MAP3K5: variants seen among roughly 807,000 people sequenced by gnomAD.
MAP3K5 encodes ASK-1.
Under a neutral mutation model 158.7 loss-of-function variants are expected in MAP3K5, and 56 were observed. The ratio of observed to expected loss-of-function variants is 0.35; its 90% CI spans 0.28 to 0.44. The LOEUF is 0.44. Ranked by LOEUF, MAP3K5 falls within the 20% of genes least tolerant of loss-of-function variation. The pLI is 1.00. For missense variants in MAP3K5, 1,294 were observed against 1,674.8 expected (o/e 0.77, Z 3.97); for synonymous variants, 579 against 601.7 (o/e 0.96, Z 0.55).
At chr6:136,755,674 G>A (rs1363218949) in intron 1 of MAP3K5, among the ~76,000 whole-genome samples, 3 of 139,426 alleles carry the variant, frequency 2.2e-5, no homozygotes, top group Non-Finnish European at 4.5e-5. Context: ...GGGTGACAGA[G>A]CAAGACTCTG....
At chr6:136,601,437 C>A (rs1431759968) in intron 20 of MAP3K5, among the ~76,000 whole-genome samples, 1 of 152,126 alleles carries the variant, frequency 6.6e-6, no homozygotes, top group Non-Finnish European at 1.5e-5. Context: ...AATCCAACAG[C>A]TCTATAATGG....
At position 136,614,265 on chromosome 6, in the gene MAP3K5, T is replaced by A. The variant is rs1390832693; in HGVS notation, c.2172A>T (p.Glu724Asp). ...RDSRYSQPLH[E>D]EIALHKHLKH... ...TCAGGTGTTTATGCAATGCTATTTC[T>A]TCATGCAGGGGCTGAGAGTATCTAA... Residue 724 changes from glutamate to aspartate, a missense_variant, in exon 16 of 30, where the codon GAA (glutamate) becomes GAT (aspartate). Glu to Asp is a conservative substitution (Grantham distance 45, BLOSUM62 2). Coordinates refer to ENST00000359015, the MANE Select transcript of MAP3K5 (RefSeq NM_005923.4). 1 of 1,613,618 alleles carries A rather than the reference T, an allele frequency of 6.2e-7. No individual in the cohort carries two copies. Among genetic ancestry groups the A allele is most frequent in the Non-Finnish European group, 8.5e-7 (1 of 1,179,768 alleles).
chr6:136,690,730 T>G (rs181211437), intron 7 of MAP3K5, among the ~76,000 whole-genome samples: 4 of 152,322 alleles, frequency 2.6e-5, no homozygotes, highest in Admixed American at 2.0e-4. Flanking sequence ...ATTGGTTACA[T>G]GCATTGTTCC....
intron 7 of MAP3K5, among the ~76,000 whole-genome samples, chr6:136,672,534 G>A (rs2114543093): frequency 6.6e-6 from 1 of 152,328 alleles, no homozygotes; most frequent in Middle Eastern, 3.4e-3. Context: ...AGTCCCAAAT[G>A]TGTTGCTGTT....
rs561937156 is a variant in MAP3K5, at chr6:136,660,253, A to G, written c.1367-875T>C. The stretch of plus-strand genomic sequence containing the variant: ...ACAAAAATTATACACTTAAAACATT[A>G]AAGAAATAAGGAAATATGCCTGACA... On this transcript the variant is annotated intron_variant, in intron 8 of 29. Coordinates refer to ENST00000359015, the MANE Select transcript of MAP3K5 (RefSeq NM_005923.4). Among the ~76,000 whole-genome samples the G allele has an allele frequency of 5.9e-5, 9 of 152,296 alleles. No homozygotes were observed. In the East Asian group the frequency reaches 1.4e-3, roughly 23 times the overall value.
At chr6:136,717,061 G>A (rs1011818169) in intron 2 of MAP3K5, among the ~76,000 whole-genome samples, 6 of 151,642 alleles carry the variant, frequency 4.0e-5, no homozygotes, top group Non-Finnish European at 7.4e-5. Context: ...TGGAGGCGGA[G>A]GTTGCAGTGA....
chr6:136,671,428 T>C (rs1779478567), intron 7 of MAP3K5, among the ~76,000 whole-genome samples: 1 of 152,192 alleles, frequency 6.6e-6, no homozygotes. Context: ...GAGTACTGTA[T>C]TGAGGAAAAA....
At chr6:136,572,389 G>C (rs1466826061) in intron 25 of MAP3K5, among the ~76,000 whole-genome samples, 3 of 152,186 alleles carry the variant, frequency 2.0e-5, no homozygotes, top group Non-Finnish European at 2.9e-5. Context: ...CTTCCGAGTA[G>C]CTGGGATTAC....
Position 136,609,279 on chromosome 6 carries a change from C to G in MAP3K5, c.2521+2003G>C, listed in dbSNP as rs745515451. Among the ~76,000 whole-genome samples, 117 of 152,196 alleles carry G rather than the reference C, an allele frequency of 7.7e-4. 1 individual carries two copies. Among genetic ancestry groups the G allele is most frequent in the Non-Finnish European group, 1.5e-3 (104 of 68,012 alleles). ...AAGACATTTGAAGTTATTAATAGGT[C>G]AGAATTTAGTTTTTTCAAAAAAATA... On this transcript the variant is annotated intron_variant, in intron 18 of 29. Transcript: ENST00000359015. The surrounding 1 kb of genome is among the most constrained non-coding windows in gnomAD (Gnocchi z 4.4).
chr6:136,629,701 G>A (rs981247626), intron 14 of MAP3K5, among the ~76,000 whole-genome samples: 14 of 151,914 alleles, frequency 9.2e-5, no homozygotes, highest in African/African-American at 1.4e-4. Flanking sequence ...TGATCCACCC[G>A]CCTTGGTCTC....
At chr6:136,604,136 G>A (rs1323241971) in intron 19 of MAP3K5, among the ~76,000 whole-genome samples, 1 of 152,112 alleles carries the variant, frequency 6.6e-6, no homozygotes, top group Non-Finnish European at 1.5e-5. Flanking sequence ...AGCCTGGGCA[G>A]CATGGTGAAA....
intron 26 of MAP3K5, among the ~76,000 whole-genome samples, chr6:136,566,734 C>G (rs955236103): frequency 1.5e-4 from 23 of 152,218 alleles, no homozygotes; most frequent in Admixed American, 1.0e-3. Flanking sequence ...CTTAACAATG[C>G]AACCAAATTT....
Position 136,792,334 on chromosome 6 carries a change from T to G in MAP3K5, c.-177A>C. ...GCCCTCTCCCCCGAGGGCACGCCGCTGCCCGGCGGCGGCTCGCTCCTCCTC... is the reference window on the plus strand; with the variant it reads ...GCCCTCTCCCCCGAGGGCACGCCGCGGCCCGGCGGCGGCTCGCTCCTCCTC... On this transcript the variant is annotated 5_prime_UTR_variant, in exon 1 of 30. Transcript: ENST00000359015. The surrounding 1 kb of genome is among the most constrained non-coding windows in gnomAD (Gnocchi z 5.7). 1 of 1,011,142 alleles carries G rather than the reference T, an allele frequency of 9.9e-7. No homozygotes were observed. The highest frequency in any genetic ancestry group is 1.2e-6 in the Non-Finnish European group (1 of 850,186). The allele number at this position is 1,011,142 out of a possible 1,614,324, so 62.6% of individuals were successfully genotyped here.
intron 1 of MAP3K5, among the ~76,000 whole-genome samples, chr6:136,773,456 C>A (rs1784290533): frequency 6.6e-6 from 1 of 152,218 alleles, no homozygotes; most frequent in Admixed American, 6.5e-5. Flanking sequence ...ATCTCCAAGT[C>A]CAGTTATTTC....
chr6:136,706,913 T>C (rs766524372), intron 2 of MAP3K5, among the ~76,000 whole-genome samples: 14 of 152,378 alleles, frequency 9.2e-5, no homozygotes, highest in South Asian at 2.1e-4. Context: ...TTTGGGAGGC[T>C]AAGGCCGGAA....
chr6:136,567,627 T>C lies in MAP3K5; in HGVS notation c.3761+4A>G. The C allele has an allele frequency of 6.2e-7, 1 of 1,612,814 alleles. No individual in the cohort carries two copies. The highest frequency in any genetic ancestry group is 2.2e-5 in the East Asian group (1 of 44,862). On this transcript the variant is annotated splice_donor_region_variant and intron_variant, in intron 26 of 29. Transcript: ENST00000359015. ...AAACCAACCCACGTCAGTGTAGGACTTACCTATTGGTTTCTATTTTCATCC... is the reference window on the plus strand; with the variant it reads ...AAACCAACCCACGTCAGTGTAGGACCTACCTATTGGTTTCTATTTTCATCC...
At chr6:136,592,742 A>G (rs1280167584) in intron 21 of MAP3K5, 128 bp from the exon 22 acceptor site, 2 of 835,882 alleles carry the variant, frequency 2.4e-6, no homozygotes, top group East Asian at 2.5e-5. Flanking sequence ...TAATTATGCT[A>G]TGTAAGGGAA....
intron 1 of MAP3K5, among the ~76,000 whole-genome samples, chr6:136,736,226 T>C (rs1782454559): frequency 1.3e-5 from 2 of 152,176 alleles, no homozygotes; most frequent in African/African-American, 4.8e-5. Flanking sequence ...AGATTCTTAA[T>C]GTGTCAACGA....
chr6:136,613,655 C>T lies in MAP3K5; in HGVS notation c.2279-399G>A, dbSNP rs1776437537. 6.6e-6 allele frequency among the ~76,000 whole-genome samples: 1 copy of T among 152,026 alleles called. No homozygotes were observed. Among genetic ancestry groups the T allele is most frequent in the Non-Finnish European group, 1.5e-5 (1 of 68,000 alleles). ...TAGCATTCAGTTGTAACTTCTGATT[C>T]TGCGATTATAGGCTAAATCTCTTCC... On this transcript the variant is annotated intron_variant, in intron 16 of 29. Transcript: ENST00000359015. This position sits in a 1 kb window ranked among gnomAD's most constrained non-coding sequence, Gnocchi z 4.0.
Sources: gnomAD v4.1 joint callset for allele counts (sites outside exome capture counted in the v4.1 genomes callset) on GRCh38, gnomAD v4.1.1 for gene constraint, Gnocchi (gnomAD v3.1) non-coding constraint, MANE v1.5 for transcripts, NCBI Gene and HGNC (gene_info 2026-07-23, HGNC 2026-07-21) for gene names.